The following TBC1D5 variants were observed in gnomAD, a reference collection of about 807,000 sequenced individuals.
TBC1D5 encodes the protein TBC1 domain family member 5, also known as TBC1 domain family, member 5.
Under a neutral mutation model 100.3 loss-of-function variants are expected in TBC1D5, and 75 were observed. The ratio of observed to expected loss-of-function variants is 0.75; its 90% CI spans 0.62 to 0.91. The LOEUF is 0.91. TBC1D5 is among the 40% of genes least tolerant of loss of function. The probability of loss-of-function intolerance (pLI) is 0.00; values close to 1 mark genes in which losing one functional copy is unlikely to be tolerated. For missense variants in TBC1D5, 910 were observed against 942.4 expected (o/e 0.97, Z 0.45); for synonymous variants, 323 against 325.6 (o/e 0.99, Z 0.09).
At chr3:17,550,811 A>G (rs2096465945) in intron 2 of TBC1D5, among the ~76,000 whole-genome samples, 1 of 152,192 alleles carries the variant, frequency 6.6e-6, no homozygotes, top group South Asian at 2.1e-4. Flanking sequence ...CAAATACCAC[A>G]TAATATAAAG....
chr3:17,517,175 C>G (rs960400065), intron 2 of TBC1D5, among the ~76,000 whole-genome samples: 2 of 152,216 alleles, frequency 1.3e-5, no homozygotes, highest in African/African-American at 4.8e-5. Flanking sequence ...TCATCTTTAA[C>G]TTTGCCCTCT....
intron 2 of TBC1D5, among the ~76,000 whole-genome samples, chr3:17,538,982 G>A (rs1393017440): frequency 6.6e-6 from 1 of 152,128 alleles, no homozygotes; most frequent in Non-Finnish European, 1.5e-5. Context: ...ATAAGTTCAA[G>A]ACCAGCCTGG....
chr3:17,224,711 C>T (rs2074659516), intron 17 of TBC1D5, among the ~76,000 whole-genome samples: 1 of 152,158 alleles, frequency 6.6e-6, no homozygotes, highest in African/African-American at 2.4e-5. Context: ...AATAAGTTAG[C>T]TTATCAATTC....
chr3:17,411,490 T>A (rs1457310098), intron 4 of TBC1D5, among the ~76,000 whole-genome samples: 1 of 152,152 alleles, frequency 6.6e-6, no homozygotes, highest in Non-Finnish European at 1.5e-5. Context: ...AAATGTGCAA[T>A]GTTTTGAACC....
At chr3:17,406,493 A>ATTGTTG (rs749096649) in exon 5 of TBC1D5, 1 of 1,611,842 alleles carries the variant, frequency 6.2e-7, no homozygotes, top group Non-Finnish European at 8.5e-7. Context: ...TTGCCAAGTA[A>ATTGTTG]TTGTTGTTTA....
chr3:17,311,068 T>A (rs1013329395), intron 13 of TBC1D5, among the ~76,000 whole-genome samples: 33 of 152,156 alleles, frequency 2.2e-4, no homozygotes, highest in Admixed American at 1.7e-3. Context: ...ATTATTTCAG[T>A]AAGCTTTTAT....
intron 2 of TBC1D5, among the ~76,000 whole-genome samples, chr3:17,508,976 T>G (rs575880450): frequency 6.6e-6 from 1 of 152,154 alleles, no homozygotes; most frequent in Non-Finnish European, 1.5e-5. Context: ...ACAGAAAATA[T>G]AGCAAATTAA....
At chr3:17,613,643 T>C (rs952585926) in intron 2 of TBC1D5, among the ~76,000 whole-genome samples, 3 of 152,252 alleles carry the variant, frequency 2.0e-5, no homozygotes, top group Non-Finnish European at 4.4e-5. Context: ...CCAGTGATAG[T>C]GAGTATTTTT....
At chr3:17,254,495 T>G (rs926520558) in intron 16 of TBC1D5, among the ~76,000 whole-genome samples, 1 of 152,188 alleles carries the variant, frequency 6.6e-6, no homozygotes, top group Non-Finnish European at 1.5e-5. Context: ...AGCACATTGA[T>G]GATTTTTATA....
intron 3 of TBC1D5, 110 bp from the exon 4 acceptor site, chr3:17,428,629 T>C: frequency 3.0e-6 from 1 of 335,934 alleles, no homozygotes; most frequent in Non-Finnish European, 5.3e-6. Context: ...ATACATCCTC[T>C]CCCCCTTCCC....
intron 2 of TBC1D5, among the ~76,000 whole-genome samples, chr3:17,528,809 C>T (rs1489852808): frequency 1.3e-5 from 2 of 152,224 alleles, no homozygotes; most frequent in East Asian, 1.9e-4. Context: ...CAAGTAGAAA[C>T]AAATATTTGA....
chr3:17,735,690 A>G (rs1180251602), intron 1 of TBC1D5, among the ~76,000 whole-genome samples: 1 of 152,224 alleles, frequency 6.6e-6, no homozygotes, highest in East Asian at 1.9e-4. Context: ...TTAGCCATGC[A>G]AGAACAATGG....
intron 3 of TBC1D5, among the ~76,000 whole-genome samples, chr3:17,430,651 G>A (rs1055723524): frequency 2.6e-5 from 4 of 151,826 alleles, no homozygotes; most frequent in African/African-American, 4.8e-5. Context: ...CGGGAAAAAC[G>A]CTTTGTTCCC....
intron 8 of TBC1D5, among the ~76,000 whole-genome samples, chr3:17,389,882 A>G (rs1240706317): frequency 6.6e-6 from 1 of 152,146 alleles, no homozygotes; most frequent in Non-Finnish European, 1.5e-5. Flanking sequence ...TTAACTCATT[A>G]GAAGTCATAA....
chr3:17,317,941 G>A (rs1036670158), intron 13 of TBC1D5, among the ~76,000 whole-genome samples: 38 of 151,744 alleles, frequency 2.5e-4, no homozygotes, highest in Non-Finnish European at 5.1e-4. Flanking sequence ...TGTTTATTGC[G>A]GCACTATTCA....
intron 1 of TBC1D5, among the ~76,000 whole-genome samples, chr3:17,628,605 T>C (rs915472680): frequency 2.6e-5 from 4 of 152,160 alleles, no homozygotes; most frequent in African/African-American, 7.2e-5. Flanking sequence ...TGAAGAACCC[T>C]GGGAACGGTT....
rs530702978 is a variant in TBC1D5 at position 17,617,957 on chromosome 3, G to A, written c.-36+5892C>T. Among the ~76,000 whole-genome samples the A allele has an allele frequency of 3.4e-4, 52 of 152,286 alleles. 1 individual carries two copies. The highest frequency in any genetic ancestry group is 2.2e-3 in the Admixed American group (33 of 15,304). ...TATTCTGTTGCTGGCAAGGAGCTGC[G>A]ATGTTTTGGAGGAGAACAGGCGCTC... On this transcript the variant is annotated intron_variant, in intron 2 of 21. Transcript: ENST00000253692.
At chr3:17,328,588 T>A (rs2086479185) in intron 13 of TBC1D5, among the ~76,000 whole-genome samples, 1 of 152,218 alleles carries the variant, frequency 6.6e-6, no homozygotes, top group Non-Finnish European at 1.5e-5. Flanking sequence ...CCTCCTTCCT[T>A]ATGTCACGAT....
chr3:17,166,338 T>C (rs1575691703), intron 21 of TBC1D5, among the ~76,000 whole-genome samples: 2 of 152,090 alleles, frequency 1.3e-5, no homozygotes, highest in Non-Finnish European at 2.9e-5. Flanking sequence ...AAGAAAGTAA[T>C]TTTGGCAAAA....
Sources: gnomAD v4.1 joint callset for allele counts (sites outside exome capture counted in the v4.1 genomes callset) on GRCh38, gnomAD v4.1.1 for gene constraint, MANE v1.5 for transcripts, NCBI Gene and HGNC (gene_info 2026-07-23, HGNC 2026-07-21) for gene names.